MKLN1: variants seen among roughly 807,000 people sequenced by gnomAD.
The protein encoded by MKLN1 is muskelin 1, also known as muskelin.
A neutral mutation model predicts 99.0 loss-of-function variants in MKLN1; 18 were observed. That is an observed-to-expected ratio of 0.18 (90% CI 0.13 to 0.27). The LOEUF (loss-of-function observed/expected upper bound fraction) is 0.27, where lower values mean the gene tolerates loss of function less well. Ranked by LOEUF, MKLN1 falls within the 10% of genes least tolerant of loss-of-function variation. The pLI, the probability that MKLN1 is intolerant of heterozygous loss-of-function variation, is 1.00. For synonymous variants in MKLN1, 288 were observed against 293.2 expected, an observed-to-expected ratio of 0.98 and a Z score of 0.18; for missense variants, 621 against 875.9, an observed-to-expected ratio of 0.71 and a Z score of 3.67.
intron 17 of MKLN1, among the ~76,000 whole-genome samples, chr7:131,486,971 A>G (rs1260834294): frequency 1.3e-5 from 2 of 152,272 alleles, no homozygotes; most frequent in East Asian, 1.9e-4. Context: ...TGTGCCTAGC[A>G]TAGGGCCTGG....
chr7:131,135,623 G>C (rs757420532), intron 1 of MKLN1, among the ~76,000 whole-genome samples: 5 of 152,164 alleles, frequency 3.3e-5, no homozygotes, highest in Non-Finnish European at 7.3e-5. Flanking sequence ...GGAAGATAAG[G>C]GTAGAAAGTG....
At chr7:131,150,479 C>A (rs1418773610) in intron 2 of MKLN1, among the ~76,000 whole-genome samples, 1 of 151,110 alleles carries the variant, frequency 6.6e-6, no homozygotes, top group African/African-American at 2.4e-5. Flanking sequence ...AGATGAAGAC[C>A]CTGTCTCAAA....
intron 2 of MKLN1, 33 bp from the exon 3 acceptor site, chr7:131,387,087 A>T: frequency 3.2e-6 from 5 of 1,558,424 alleles, no homozygotes; most frequent in Non-Finnish European, 4.3e-6. Flanking sequence ...TTTTAAACAG[A>T]AGAGGATATA....
At chr7:131,288,087 G>A (rs897001174) in intron 3 of MKLN1, among the ~76,000 whole-genome samples, 1 of 152,106 alleles carries the variant, frequency 6.6e-6, no homozygotes, top group African/African-American at 2.4e-5. Context: ...ATTAATACAA[G>A]CCCCATGTCC....
At chr7:131,458,760 T>G (rs966177180) in intron 12 of MKLN1, among the ~76,000 whole-genome samples, 1 of 152,108 alleles carries the variant, frequency 6.6e-6, no homozygotes, top group Non-Finnish European at 1.5e-5. Flanking sequence ...AATTCTCTTA[T>G]TTTGCCCTCG....
intron 1 of MKLN1, among the ~76,000 whole-genome samples, chr7:131,133,509 A>G (rs1299369820): frequency 2.6e-5 from 4 of 151,290 alleles, no homozygotes; most frequent in African/African-American, 9.7e-5. Context: ...ACATGCCACC[A>G]TGCCCGGCTA....
intron 3 of MKLN1, among the ~76,000 whole-genome samples, chr7:131,314,745 G>C (rs533265319): frequency 1.3e-5 from 2 of 150,824 alleles, no homozygotes; most frequent in Admixed American, 6.6e-5. Flanking sequence ...TTGAGAGAGA[G>C]GGTCTCTCTG....
At chr7:131,309,407 A>AT (rs551527064) in intron 3 of MKLN1, among the ~76,000 whole-genome samples, 72 of 147,444 alleles carry the variant, frequency 4.9e-4, no homozygotes, top group Admixed American at 3.0e-3. Context: ...TTACAAGTGG[A>AT]TTTTTTTTTT....
chr7:131,122,253 A>T (rs1291011407), intron 1 of MKLN1, among the ~76,000 whole-genome samples: 1 of 152,246 alleles, frequency 6.6e-6, no homozygotes, highest in African/African-American at 2.4e-5. Context: ...GTCTCAAAAA[A>T]TAAATAAGTA....
intron 1 of MKLN1, among the ~76,000 whole-genome samples, chr7:131,350,260 T>A (rs945450354): frequency 6.6e-6 from 1 of 151,600 alleles, no homozygotes; most frequent in Non-Finnish European, 1.5e-5. Context: ...GGGGTCTCGC[T>A]ATGTTGCCCA....
At chr7:131,328,159 C>T (rs1310500639) in intron 1 of MKLN1, 162 bp downstream of exon 1, 18 of 871,538 alleles carry the variant, frequency 2.1e-5, no homozygotes, top group Non-Finnish European at 2.8e-5. Flanking sequence ...GAGCGTTGCT[C>T]GGCCTCGCTC....
At chr7:131,467,412 A>G (rs1019754427) in intron 15 of MKLN1, among the ~76,000 whole-genome samples, 1 of 152,224 alleles carries the variant, frequency 6.6e-6, no homozygotes, top group African/African-American at 2.4e-5. Flanking sequence ...TATTGTTTGT[A>G]CAGGTGAGGG....
intron 9 of MKLN1, among the ~76,000 whole-genome samples, chr7:131,436,703 T>C (rs1337995729): frequency 6.6e-6 from 1 of 152,204 alleles, no homozygotes; most frequent in Non-Finnish European, 1.5e-5. Flanking sequence ...TAGTTTCCTT[T>C]CCTTTCCCCC....
At chr7:131,173,967 T>A (rs1030000539) in intron 2 of MKLN1, among the ~76,000 whole-genome samples, 14 of 143,466 alleles carry the variant, frequency 9.8e-5, no homozygotes, top group African/African-American at 3.6e-4. Context: ...AAGACCTTTT[T>A]CTTTTTCTTT....
intron 1 of MKLN1, among the ~76,000 whole-genome samples, chr7:131,124,513 C>T (rs191890545): frequency 3.9e-5 from 6 of 152,304 alleles, no homozygotes; most frequent in East Asian, 1.9e-4. Flanking sequence ...AGTACTTAAA[C>T]GCTGGCTCAG....
chr7:131,233,183 C>A (rs1797268318), intron 3 of MKLN1, among the ~76,000 whole-genome samples: 1 of 151,704 alleles, frequency 6.6e-6, no homozygotes, highest in Non-Finnish European at 1.5e-5. Flanking sequence ...TGGCAAAAAA[C>A]AAACAAACAA....
chr7:131,327,188 A>C (rs570433523), upstream of MKLN1: 1 of 152,366 alleles, frequency 6.6e-6, no homozygotes, highest in African/African-American at 2.4e-5. Flanking sequence ...TGAAAAAATG[A>C]TGACACGCAG....
At chr7:131,177,670 C>T (rs1796319336) in intron 2 of MKLN1, among the ~76,000 whole-genome samples, 1 of 152,256 alleles carries the variant, frequency 6.6e-6, no homozygotes, top group African/African-American at 2.4e-5. Flanking sequence ...AAATCTACCA[C>T]TATGGTTATA....
chr7:131,323,927 T>A (rs937151159), upstream of MKLN1: 2 of 152,066 alleles, frequency 1.3e-5, no homozygotes, highest in African/African-American at 4.8e-5. Context: ...TAGTTAAAAT[T>A]AAAGACTAAT....
Sources: gnomAD v4.1 joint callset for allele counts (sites outside exome capture counted in the v4.1 genomes callset) on GRCh38, gnomAD v4.1.1 for gene constraint, MANE v1.5 for transcripts, NCBI Gene and HGNC (gene_info 2026-07-23, HGNC 2026-07-21) for gene names.